METTL22: variants seen among roughly 807,000 people sequenced by gnomAD.
The protein encoded by METTL22 is methyltransferase-like protein 22.
In METTL22, 51 loss-of-function variants were observed where a neutral mutation model predicts 48.4. That is an observed-to-expected ratio of 1.05 (90% CI 0.84 to 1.33). The LOEUF is 1.33. METTL22 is among the 40% of genes most tolerant of loss of function. METTL22 has a pLI of 0.00. For synonymous variants in METTL22, 255 were observed against 214.1 expected, an observed-to-expected ratio of 1.19 and a Z score of -1.67; for missense variants, 678 against 526.9, an observed-to-expected ratio of 1.29 and a Z score of -2.81.
chr16:8,625,756 C>G lies in METTL22; in HGVS notation c.91C>G (p.His31Asp). The G allele has an allele frequency of 6.2e-7, 1 of 1,614,198 alleles. No individual in the cohort carries two copies. ...LSDVHLYTPN[H>D]RHLMVRLNSV... ...AGATGTCCACCTCTATACCCCGAAC[C>G]ATAGACATCTCATGGTACGGCTGAA... Residue 31 changes from histidine to aspartate, a missense_variant, in exon 2 of 11, where the codon CAT (histidine) becomes GAT (aspartate). His to Asp is a moderately conservative substitution (Grantham distance 81). Coordinates refer to ENST00000381920, the MANE Select transcript of METTL22 (RefSeq NM_024109.4).
At chr16:8,653,001 A>G (rs532282797), downstream of METTL22, among the ~76,000 whole-genome samples, 1 of 152,324 alleles carries the variant, frequency 6.6e-6, no homozygotes, top group East Asian at 1.9e-4. Flanking sequence ...AGCCTGTTGC[A>G]TCTCAGGTGA....
At chr16:8,641,671 A>G (rs1353668850) in intron 7 of METTL22, 1 of 380,788 alleles carries the variant, frequency 2.6e-6, no homozygotes, top group East Asian at 6.8e-5. Flanking sequence ...CAGATGGCAG[A>G]TGGGAAAAGT....
chr16:8,638,214 T>C (rs1194338831), intron 5 of METTL22, among the ~76,000 whole-genome samples: 1 of 152,102 alleles, frequency 6.6e-6, no homozygotes, highest in Non-Finnish European at 1.5e-5. Flanking sequence ...GCCTAGGAGA[T>C]AGGGTAGATC....
At chr16:8,642,721 G>A (rs923043923) in intron 9 of METTL22, 156 bp downstream of exon 9, 9 of 720,194 alleles carry the variant, frequency 1.2e-5, no homozygotes, top group Admixed American at 4.1e-5. Context: ...CTTTGTGTAC[G>A]TTACTGCACT....
At chr16:8,666,731 A>G in the METTL22 span, 1 of 151,794 alleles carries the variant, frequency 6.6e-6, no homozygotes, top group Non-Finnish European at 1.5e-5. Context: ...GTTTGAGGAT[A>G]TAACCATTCT....
At chr16:8,652,688 A>AT (rs1555479047), downstream of METTL22, among the ~76,000 whole-genome samples, 17,867 of 149,846 alleles carry the variant, frequency 0.12, 1,264 homozygotes, top group South Asian at 0.19. Context: ...TAAAAAAAAA[A>AT]TTTTTTTAAT....
Position 8,628,771 on chromosome 16 carries a change from T to C in METTL22, c.175T>C (p.Trp59Arg). ...QFKLLWSQDS[W>R]TDSGAKGGSH... ...CAAGCTTCTATGGAGCCAAGACTCT[T>C]GGACAGATTCAGGAGCCAAGGGTGG... Residue 59 changes from tryptophan to arginine, a missense_variant, in exon 3 of 11, where the codon TGG becomes CGG. Transcript: ENST00000381920. 6.2e-7 allele frequency: 1 copy of C among 1,614,164 alleles called. No homozygotes were observed. The highest frequency in any genetic ancestry group is 1.1e-5 in the South Asian group (1 of 91,080).
At chr16:8,640,211 T>C (rs2056553853) in intron 6 of METTL22, among the ~76,000 whole-genome samples, 2 of 152,184 alleles carry the variant, frequency 1.3e-5, no homozygotes, top group Admixed American at 6.5e-5. Context: ...CAGGGTACAG[T>C]AGGCAGTCAG....
At chr16:8,639,340 T>C (rs2056521750) in intron 6 of METTL22, 178 bp downstream of exon 6, 5 of 629,108 alleles carry the variant, frequency 7.9e-6, no homozygotes, top group Admixed American at 2.6e-5. Flanking sequence ...AGGACGCTCC[T>C]TGGGTCACCT....
At chr16:8,640,048 A>G (rs1289629295) in intron 6 of METTL22, among the ~76,000 whole-genome samples, 11 of 152,160 alleles carry the variant, frequency 7.2e-5, no homozygotes, top group South Asian at 2.1e-4. Context: ...AGAGCCCCCA[A>G]CAGACTCCAG....
intron 9 of METTL22, among the ~76,000 whole-genome samples, chr16:8,643,972 A>G (rs1292914584): frequency 6.6e-6 from 1 of 152,190 alleles, no homozygotes. Context: ...AAATTTGGAA[A>G]GAAAAGGGAA....
Position 8,642,206 on chromosome 16 carries a change from A to G in METTL22, c.906A>G (p.Glu302=). ...ACACCACCATCCTGTTTGCAGCCGA[A>G]GGTAAGAAAATTTCTCCTTCGCCGT... ...YDHTTILFAA[E]VFYDDDLTDA... Residue 302 remains glutamate, a splice_region_variant and synonymous_variant, in exon 8 of 11, where the codon GAA becomes GAG. Coordinates refer to ENST00000381920, the MANE Select transcript of METTL22 (RefSeq NM_024109.4). 6.2e-7 allele frequency: 1 copy of G among 1,612,366 alleles called. No homozygotes were observed. The highest frequency in any genetic ancestry group is 1.1e-5 in the South Asian group (1 of 91,046).
At chr16:8,630,325 T>C (rs2056214542) in intron 3 of METTL22, among the ~76,000 whole-genome samples, 1 of 152,150 alleles carries the variant, frequency 6.6e-6, no homozygotes, top group African/African-American at 2.4e-5. Context: ...ACCTCTGCCC[T>C]CATGGCCTCT....
chr16:8,626,854 C>T (rs2056077903), intron 2 of METTL22, among the ~76,000 whole-genome samples: 2 of 149,200 alleles, frequency 1.3e-5, no homozygotes, highest in Non-Finnish European at 1.5e-5. Flanking sequence ...GCAAGCTCCG[C>T]CTCCCGGGTT....
intron 10 of METTL22, 88 bp downstream of exon 10, chr16:8,644,813 C>G (rs1460010083): frequency 2.2e-6 from 3 of 1,338,934 alleles, no homozygotes; most frequent in Middle Eastern, 2.7e-4. Flanking sequence ...GCAAGCCCTC[C>G]AAGCACAGGC....
the METTL22 span, among the ~76,000 whole-genome samples, chr16:8,660,020 C>G: frequency 6.6e-6 from 1 of 152,212 alleles, no homozygotes; most frequent in East Asian, 1.9e-4. Flanking sequence ...GCCACCACAT[C>G]TGGCCACATT....
In METTL22 at chr16:8,629,079, A is replaced by C. The variant is rs2056164854; in HGVS notation, c.483A>C (p.Ala161=). ...QEEDDVLGEE[A]QGSPHDIIRI... The stretch of plus-strand genomic sequence containing the variant: ...AAGACGACGTCCTGGGAGAGGAAGC[A>C]CAAGGCAGCCCGCACGATATCATCA... The change falls in exon 3 of 11, where the codon GCA becomes GCC. Residue 161 remains alanine (A), a synonymous_variant. Coordinates refer to ENST00000381920, the MANE Select transcript of METTL22 (RefSeq NM_024109.4). 2 of 1,613,690 alleles carry C rather than the reference A, an allele frequency of 1.2e-6. No individual in the cohort carries two copies. The highest frequency in any genetic ancestry group is 1.7e-6 in the Non-Finnish European group (2 of 1,179,996).
intron 1 of METTL22, among the ~76,000 whole-genome samples, chr16:8,622,947 G>A (rs1180094948): frequency 6.6e-6 from 1 of 152,178 alleles, no homozygotes; most frequent in Non-Finnish European, 1.5e-5. Flanking sequence ...TTAAAATTTG[G>A]TGTGTAATAT....
chr16:8,660,960 A>C, the METTL22 span, among the ~76,000 whole-genome samples: 143,910 of 148,206 alleles, frequency 0.97, 69,934 homozygotes, highest in East Asian at 1. Flanking sequence ...GCTACCAGGG[A>C]TCCGGACTCT....
Sources: gnomAD v4.1 joint callset for allele counts (sites outside exome capture counted in the v4.1 genomes callset) on GRCh38, gnomAD v4.1.1 for gene constraint, MANE v1.5 for transcripts, NCBI Gene and HGNC (gene_info 2026-07-23, HGNC 2026-07-21) for gene names.